SOX6: variants seen among roughly 807,000 people sequenced by gnomAD.
SOX6 encodes transcription factor SOX-6.
SOX6 carries 11 observed loss-of-function variants against 97.8 expected under a neutral mutation model. The ratio of observed to expected loss-of-function variants is 0.11; its 90% CI spans 0.07 to 0.19. The LOEUF is 0.19. SOX6 is among the 10% of genes least tolerant of loss of function. The pLI is 1.00. For missense variants in SOX6, 810 were observed against 1,039.5 expected (o/e 0.78, Z 3.04); for synonymous variants, 360 against 371.4 (o/e 0.97, Z 0.35).
intron 2 of SOX6, among the ~76,000 whole-genome samples, chr11:16,732,034 G>A (rs1848354158): frequency 6.6e-6 from 1 of 152,178 alleles, no homozygotes. Flanking sequence ...ACTTAGAATT[G>A]ATGTGAAGGA....
At chr11:16,280,267 T>C (rs1376042026) in intron 3 of SOX6, among the ~76,000 whole-genome samples, 1 of 152,094 alleles carries the variant, frequency 6.6e-6, no homozygotes, top group Non-Finnish European at 1.5e-5. Context: ...TTGGATTTTG[T>C]CCTTGATTTA....
rs570635248 is a variant in SOX6, at chr11:16,724,992, C to G, written n.354-10087G>C. ...GTTAAATATAGTGTAACCATATGAT[C>G]CAGCAATTCCACTCCTAGACATATA... On this transcript the variant is annotated intron_variant and non_coding_transcript_variant, in intron 2 of 5. Transcript: ENST00000524520. Among the ~76,000 whole-genome samples the G allele has an allele frequency of 3.9e-5, 6 of 152,258 alleles. No individual in the cohort carries two copies. The East Asian group carries it at 7.7e-4, about 20-fold the overall frequency.
At chr11:16,521,955 A>C (rs549187382) in intron 4 of SOX6, among the ~76,000 whole-genome samples, 42 of 152,344 alleles carry the variant, frequency 2.8e-4, no homozygotes, top group African/African-American at 1.0e-3. Context: ...AAATGAACAA[A>C]GCCTCCAAGA....
At chr11:16,499,157 C>T in intron 4 of SOX6, among the ~76,000 whole-genome samples, 1 of 152,212 alleles carries the variant, frequency 6.6e-6, no homozygotes, top group Non-Finnish European at 1.5e-5. Context: ...AAGAAACTCA[C>T]TCAAAACCAC....
At chr11:16,349,606 G>A (rs961888348) in intron 1 of SOX6, among the ~76,000 whole-genome samples, 1 of 147,536 alleles carries the variant, frequency 6.8e-6, no homozygotes, top group African/African-American at 2.5e-5. Flanking sequence ...ACAGAGCAAG[G>A]CTCTGTCAAA....
intron 2 of SOX6, 59 bp downstream of exon 2, chr11:16,340,953 A>G: frequency 6.2e-7 from 1 of 1,609,382 alleles, no homozygotes; most frequent in Non-Finnish European, 8.5e-7. Flanking sequence ...ATATCTATTT[A>G]TAATGAGGAC....
intron 12 of SOX6, among the ~76,000 whole-genome samples, chr11:16,022,801 T>C (rs1855106762): frequency 1.3e-5 from 2 of 152,274 alleles, no homozygotes; most frequent in Admixed American, 6.5e-5. Flanking sequence ...TGGATAATTA[T>C]TCACTACTTT....
At chr11:16,446,928 CTG>C (rs1859623011) in intron 1 of SOX6, among the ~76,000 whole-genome samples, 3 of 141,488 alleles carry the variant, frequency 2.1e-5, no homozygotes, top group Non-Finnish European at 3.1e-5. Context: ...TTCTTTCTTT[CTG>C]TTTCTTTCTT....
At chr11:16,283,465 T>C (rs1854640178) in intron 3 of SOX6, among the ~76,000 whole-genome samples, 1 of 151,638 alleles carries the variant, frequency 6.6e-6, no homozygotes, top group East Asian at 1.9e-4. Flanking sequence ...CAATAAATTA[T>C]CCCAAATAAG....
At chr11:16,010,169 C>CAT (rs1854674808) in intron 13 of SOX6, among the ~76,000 whole-genome samples, 1 of 134,272 alleles carries the variant, frequency 7.4e-6, no homozygotes, top group African/African-American at 2.6e-5. Flanking sequence ...CACACACACA[C>CAT]ACACAAATAA....
At chr11:16,045,974 G>T (rs1855815867) in intron 12 of SOX6, among the ~76,000 whole-genome samples, 1 of 152,088 alleles carries the variant, frequency 6.6e-6, no homozygotes, top group Non-Finnish European at 1.5e-5. Flanking sequence ...TGTCAGATTT[G>T]CTCACTGCTG....
At chr11:16,078,719 T>G (rs968558385) in intron 9 of SOX6, among the ~76,000 whole-genome samples, 4 of 151,970 alleles carry the variant, frequency 2.6e-5, no homozygotes, top group African/African-American at 9.7e-5. Flanking sequence ...TATATGAGTA[T>G]GGGGTAGGCT....
chr11:16,441,064 C>T (rs536792229), intron 1 of SOX6, among the ~76,000 whole-genome samples: 41 of 152,168 alleles, frequency 2.7e-4, no homozygotes, highest in African/African-American at 9.4e-4. Flanking sequence ...AGAGATTCTA[C>T]AGCCCACTAA....
In SOX6 at chr11:16,168,776, G is replaced by T. The variant is rs934311906; in HGVS notation, c.777+15110C>A. On this transcript the variant is annotated intron_variant, in intron 6 of 15. Coordinates refer to ENST00000683767, the MANE Select transcript of SOX6 (RefSeq NM_001367873.1). ...GTTATTTATACTCTAGTAGAAATAG[G>T]CATGCAGGTGGAAATTATGGTTTTT... 2.6e-5 allele frequency among the ~76,000 whole-genome samples: 4 copies of T among 152,098 alleles called. No homozygotes were observed. The East Asian group carries it at 7.7e-4, about 29-fold the overall frequency.
intron 6 of SOX6, among the ~76,000 whole-genome samples, chr11:16,139,315 C>T (rs1331255841): frequency 6.6e-6 from 1 of 152,124 alleles, no homozygotes; most frequent in Non-Finnish European, 1.5e-5. Flanking sequence ...TGTTTCTTGT[C>T]AGAATTCATT....
intron 10 of SOX6, among the ~76,000 whole-genome samples, chr11:16,051,748 T>A (rs1055270367): frequency 6.6e-6 from 1 of 152,166 alleles, no homozygotes; most frequent in African/African-American, 2.4e-5. Context: ...AAATCTAAAT[T>A]TAAAGTTTTG....
chr11:16,090,705 C>T (rs1848666041), intron 9 of SOX6, among the ~76,000 whole-genome samples: 1 of 152,002 alleles, frequency 6.6e-6, no homozygotes, highest in Admixed American at 6.6e-5. Flanking sequence ...ATTAATTCGT[C>T]CATTTTGCCA....
chr11:16,109,472 G>T (rs1849175359), intron 7 of SOX6, among the ~76,000 whole-genome samples: 3 of 152,086 alleles, frequency 2.0e-5, no homozygotes, highest in African/African-American at 7.2e-5. Flanking sequence ...AACGTGCTGG[G>T]ATTACAGGCA....
chr11:16,671,935 G>C (rs1388794453), intron 3 of SOX6, among the ~76,000 whole-genome samples: 1 of 152,170 alleles, frequency 6.6e-6, no homozygotes, highest in Non-Finnish European at 1.5e-5. Flanking sequence ...ACACCCTCAA[G>C]ATAACACCAG....
Sources: allele counts gnomAD v4.1 joint callset (sites outside exome capture counted in the v4.1 genomes callset), GRCh38; gene constraint gnomAD v4.1.1; transcripts MANE v1.5; gene names NCBI Gene and HGNC (gene_info 2026-07-23, HGNC 2026-07-21).